The following FAT4 variants were observed in gnomAD, a reference collection of about 807,000 sequenced individuals.
The protein encoded by FAT4 is FAT atypical cadherin 4.
Under a neutral mutation model 303.9 loss-of-function variants are expected in FAT4, and 84 were observed. That is an observed-to-expected ratio of 0.28 (90% CI 0.23 to 0.33). FAT4 has a LOEUF of 0.33. Ranked by LOEUF, FAT4 falls within the 10% of genes least tolerant of loss-of-function variation. FAT4 has a pLI of 1.00. For missense variants in FAT4, 6,005 were observed against 6,146.8 expected, an observed-to-expected ratio of 0.98 and a Z score of 0.77; for synonymous variants, 2,307 against 2,298.8, an observed-to-expected ratio of 1.00 and a Z score of -0.10.
chr4:125,471,397 A>C (rs1726850872), intron 12 of FAT4, among the ~76,000 whole-genome samples: 1 of 152,204 alleles, frequency 6.6e-6, no homozygotes, highest in Non-Finnish European at 1.5e-5. Flanking sequence ...AATATCTGCA[A>C]AGTGCAATAA....
chr4:125,412,132 A>T (rs1384428330), intron 5 of FAT4, among the ~76,000 whole-genome samples: 1 of 151,860 alleles, frequency 6.6e-6, no homozygotes, highest in Non-Finnish European at 1.5e-5. Flanking sequence ...AAAAATAGAA[A>T]AAAATGGTCT....
rs2126019798 is a variant in FAT4 at position 125,407,071 on chromosome 4, T to A, written c.5499T>A (p.Asp1833Glu). The change falls in exon 4 of 18, where the codon GAT (aspartate) becomes GAA (glutamate). Residue 1833 changes from aspartate to glutamate, a missense_variant. Asp to Glu is a conservative substitution (Grantham distance 45). Coordinates refer to ENST00000394329, the MANE Select transcript of FAT4 (RefSeq NM_001291303.3). ...SDMRINITVS[D>E]VNDHTPKFSR... Reference sequence around the variant, plus strand: ...TGAGAATTAATATCACTGTCAGTGATGTGAATGACCATACACCCAAATTTT... The same window carrying A: ...TGAGAATTAATATCACTGTCAGTGAAGTGAATGACCATACACCCAAATTTT... The A allele has an allele frequency of 6.2e-7, 1 of 1,613,824 alleles. No homozygotes were observed. The highest frequency in any genetic ancestry group is 8.5e-7 in the Non-Finnish European group (1 of 1,179,828).
At chr4:125,486,262 GTT>G (rs75519817) in intron 16 of FAT4, among the ~76,000 whole-genome samples, 1 of 133,494 alleles carries the variant, frequency 7.5e-6, no homozygotes. Context: ...AGAATTTTCT[GTT>G]TTTTTTTTTT....
At chr4:125,388,789 C>T (rs1312896341) in intron 2 of FAT4, among the ~76,000 whole-genome samples, 1 of 152,168 alleles carries the variant, frequency 6.6e-6, no homozygotes, top group African/African-American at 2.4e-5. Flanking sequence ...TATGTCACCA[C>T]ACATTTAGTG....
chr4:125,414,769 T>C (rs1734973544), intron 5 of FAT4, 115 bp from the exon 6 acceptor site: 1 of 653,670 alleles, frequency 1.5e-6, no homozygotes, highest in African/African-American at 1.8e-5. Flanking sequence ...TTTCCTAAAG[T>C]GTGTTTGGAT....
In FAT4 at chr4:125,317,201, G is replaced by C. The variant is rs1212065989; in HGVS notation, c.790G>C (p.Val264Leu). The C allele has an allele frequency of 1.9e-6, 3 of 1,593,172 alleles. No homozygotes were observed. The highest frequency in any genetic ancestry group is 2.6e-6 in the Non-Finnish European group (3 of 1,167,126). Residue 264 changes from valine to leucine, a missense_variant, in exon 2 of 18, where the codon GTT becomes CTT. Coordinates refer to ENST00000394329, the MANE Select transcript of FAT4 (RefSeq NM_001291303.3). This position sits in a 1 kb window ranked among gnomAD's most constrained non-coding sequence, Gnocchi z 7.0. ...CCAGGCGGGGGTGCCTGAGGACGCG[G>C]TTGTGGGTTCCAGCGTCCTCCAGGT... ...HYQAGVPEDA[V>L]VGSSVLQVAA... is the part of the protein sequence containing the mutation.
chr4:125,472,278 A>G (rs972228630), intron 12 of FAT4, among the ~76,000 whole-genome samples: 2 of 152,174 alleles, frequency 1.3e-5, no homozygotes, highest in African/African-American at 4.8e-5. Context: ...TTTAAAATAT[A>G]TGACAACTTA....
Position 125,490,571 on chromosome 4 carries a change from C to T in FAT4, c.13755C>T (p.Ile4585=). ...KQPEGNPKPD[I]IERENPYLIY... ...CTGAAGGGAACCCAAAACCAGATAT[C>T]ATTGAAAGGGAAAACCCCTACCTTA... is the stretch of plus-strand genomic sequence containing the variant. The change falls in exon 18 of 18, where the codon ATC becomes ATT. Residue 4585 remains isoleucine, a synonymous_variant. Coordinates refer to ENST00000394329, the MANE Select transcript of FAT4 (RefSeq NM_001291303.3). 1 of 1,614,102 alleles carries T rather than the reference C, an allele frequency of 6.2e-7. No homozygotes were observed. The highest frequency in any genetic ancestry group is 1.1e-5 in the South Asian group (1 of 91,076).
chr4:125,452,730 T>C lies in FAT4; in HGVS notation c.11720T>C (p.Leu3907Pro). 6.2e-7 allele frequency: 1 copy of C among 1,614,156 alleles called. No individual in the cohort carries two copies. The highest frequency in any genetic ancestry group is 8.5e-7 in the Non-Finnish European group (1 of 1,180,018). Residue 3907 changes from leucine (L) to proline (P), a missense_variant, in exon 10 of 18, where the codon CTG becomes CCG. Transcript: ENST00000394329. ...RACERDINECLQSPCKNGAIC... is the reference protein window; with the variant it reads ...RACERDINECPQSPCKNGAIC... Reference sequence around the variant, plus strand: ...TGTGAGAGAGATATCAATGAGTGCCTGCAGAGTCCTTGCAAGAATGGTGCC... The same window carrying C: ...TGTGAGAGAGATATCAATGAGTGCCCGCAGAGTCCTTGCAAGAATGGTGCC...
At chr4:125,439,339 T>G (rs1393138119) in intron 8 of FAT4, among the ~76,000 whole-genome samples, 2 of 151,124 alleles carry the variant, frequency 1.3e-5, no homozygotes, top group Non-Finnish European at 3.0e-5. Flanking sequence ...TCTTTTCTTT[T>G]TTTTTTTTTT....
chr4:125,316,265 C>T lies in FAT4; in HGVS notation c.-12-135C>T. 1 of 1,097,248 alleles carries T rather than the reference C, an allele frequency of 9.1e-7. No homozygotes were observed. The highest frequency in any genetic ancestry group is 1.3e-6 in the Non-Finnish European group (1 of 771,706). 68.0% of individuals were successfully genotyped at this position (1,097,248 alleles called of 1,614,324 possible). A position where few individuals can be genotyped will look rare whatever the true frequency, so the allele number is the denominator to read the frequency against. On this transcript the variant is annotated intron_variant, in intron 1 of 17. Coordinates refer to ENST00000394329, the MANE Select transcript of FAT4 (RefSeq NM_001291303.3). The surrounding 1 kb of genome is among the most constrained non-coding windows in gnomAD (Gnocchi z 5.7). ...CTTTTGCTGATGCTACTTGCTTTTG[C>T]CGGACTGGAGGTTCTTTGAAATAGC...
intron 2 of FAT4, among the ~76,000 whole-genome samples, chr4:125,356,551 T>G (rs1210521203): frequency 3.0e-5 from 1 of 33,438 alleles, no homozygotes; most frequent in Non-Finnish European, 6.6e-5. Flanking sequence ...TGTTTTTTGT[T>G]TTTTTTTTTT....
At chr4:125,480,166 A>G (rs1262451099) in intron 15 of FAT4, among the ~76,000 whole-genome samples, 1 of 152,098 alleles carries the variant, frequency 6.6e-6, no homozygotes, top group East Asian at 1.9e-4. Context: ...CTAAAAGATC[A>G]AAGGTTATAG....
chr4:125,382,837 T>C (rs1055431970), intron 2 of FAT4, among the ~76,000 whole-genome samples: 4 of 152,238 alleles, frequency 2.6e-5, no homozygotes, highest in African/African-American at 7.2e-5. Flanking sequence ...CTTCTGGATA[T>C]CTTCTTGCAG....
At position 125,452,333 on chromosome 4, in the gene FAT4, T is replaced by C; in HGVS notation, c.11323T>C (p.Tyr3775His). ...LAAVKRNHNQ[Y>H]VNPSGVATFF... ...AGCTGTGAAGCGAAATCATAATCAG[T>C]ATGTGAATCCCAGTGGCGTAGCCAC... Residue 3775 changes from tyrosine (Y) to histidine (H), a missense_variant, in exon 10 of 18, where the codon TAT becomes CAT. Physicochemically the swap from Tyr to His is moderately conservative, Grantham distance 83 (BLOSUM62 2). Coordinates refer to ENST00000394329, the MANE Select transcript of FAT4 (RefSeq NM_001291303.3). 3 of 1,614,166 alleles carry C rather than the reference T, an allele frequency of 1.9e-6. No homozygotes were observed. The highest frequency in any genetic ancestry group is 1.7e-6 in the Non-Finnish European group (2 of 1,180,018).
intron 7 of FAT4, among the ~76,000 whole-genome samples, chr4:125,422,976 C>A (rs938010947): frequency 1.3e-5 from 2 of 152,134 alleles, no homozygotes; most frequent in Non-Finnish European, 2.9e-5. Flanking sequence ...TGCAAAGAGA[C>A]TGGCAACATT....
intron 2 of FAT4, chr4:125,362,898 A>G (rs1160603272): frequency 6.6e-6 from 1 of 151,842 alleles, no homozygotes; most frequent in Non-Finnish European, 1.5e-5. Flanking sequence ...TTACTTCCCC[A>G]CCCCCCGACT....
rs1263120352 is a variant in FAT4 at position 125,315,293 on chromosome 4, T to A, written c.-697T>A. ...CGACTTCGCCGCCTCCGCTGCCAAC[T>A]GTGAAGGAGAGAGAGGCATCAACCA... On this transcript the variant is annotated 5_prime_UTR_variant, in exon 1 of 18. Transcript: ENST00000394329. Among the ~76,000 whole-genome samples, 10 of 152,004 alleles carry A rather than the reference T, an allele frequency of 6.6e-5. No homozygotes were observed. Among genetic ancestry groups the A allele is most frequent in the Admixed American group, 6.5e-4 (10 of 15,270 alleles).
In FAT4 at chr4:125,317,189, C is replaced by A. The variant is rs369161191; in HGVS notation, c.778C>A (p.Pro260Thr). 62 of 1,595,402 alleles carry A rather than the reference C, an allele frequency of 3.9e-5. No individual in the cohort carries two copies. Among genetic ancestry groups the A allele is most frequent in the Admixed American group, 5.1e-5 (3 of 59,266 alleles). Reference sequence around the variant, plus strand: ...CAGTTCTCACTACCAGGCGGGGGTGCCTGAGGACGCGGTTGTGGGTTCCAG... The same window carrying A: ...CAGTTCTCACTACCAGGCGGGGGTGACTGAGGACGCGGTTGTGGGTTCCAG... ...FGSSHYQAGV[P>T]EDAVVGSSVL... The change falls in exon 2 of 18, where the codon CCT becomes ACT. Residue 260 changes from proline (P) to threonine (T), a missense_variant. Pro to Thr is a conservative substitution (Grantham distance 38). Coordinates refer to ENST00000394329, the MANE Select transcript of FAT4 (RefSeq NM_001291303.3). This position sits in a 1 kb window ranked among gnomAD's most constrained non-coding sequence, Gnocchi z 7.0.
Sources: gnomAD v4.1 joint callset for allele counts (sites outside exome capture counted in the v4.1 genomes callset) on GRCh38, gnomAD v4.1.1 for gene constraint, Gnocchi (gnomAD v3.1) non-coding constraint, MANE v1.5 for transcripts, NCBI Gene and HGNC (gene_info 2026-07-23, HGNC 2026-07-21) for gene names.